Variants in NAALADL2 observed in about 807,000 individuals in gnomAD.
NAALADL2 encodes N-acetylated alpha-linked acidic dipeptidase like 2.
NAALADL2 carries 76 observed loss-of-function variants against 87.2 expected under a neutral mutation model. The observed-to-expected ratio is 0.87, with a 90% confidence interval of 0.72 to 1.05. The LOEUF (loss-of-function observed/expected upper bound fraction) is 1.05. Among genes scored for constraint, NAALADL2 ranks in the 50% least tolerant of loss-of-function variants. NAALADL2 has a pLI of 0.00. For synonymous variants in NAALADL2, 354 were observed against 331.0 expected (o/e 1.07, Z -0.75); for missense variants, 1,089 against 945.8 (o/e 1.15, Z -1.99).
rs530676462 is a variant in NAALADL2 at position 175,734,578 on chromosome 3, T to C, written c.1897-2728T>C. Among the ~76,000 whole-genome samples, 66 of 151,940 alleles carry C rather than the reference T, an allele frequency of 4.3e-4. 1 individual carries two copies. Among genetic ancestry groups the C allele is most frequent in the Admixed American group, 4.1e-3 (63 of 15,274 alleles). ...TTTCAAAAAAAGAAAAAAAAAGAAA[T>C]CTAGGCAGAGGTTCCAAACCACAAT... is the stretch of plus-strand genomic sequence containing the variant. On this transcript the variant is annotated intron_variant, in intron 11 of 13. Transcript: ENST00000454872.
Position 175,410,236 on chromosome 3 carries a change from A to C in NAALADL2, c.1091-36993A>C, listed in dbSNP as rs560233263. ...TGGGGTCCAACAGGAAGAACGTGTAATTGATTACTTTTTATCATAAGCTCA... is the reference window on the plus strand; with the variant it reads ...TGGGGTCCAACAGGAAGAACGTGTACTTGATTACTTTTTATCATAAGCTCA... On this transcript the variant is annotated intron_variant, in intron 5 of 13. Coordinates refer to ENST00000454872, the MANE Select transcript of NAALADL2 (RefSeq NM_207015.3). Among the ~76,000 whole-genome samples the C allele has an allele frequency of 1.5e-3, 223 of 152,302 alleles. 3 individuals are homozygous for C. The highest frequency in any genetic ancestry group is 4.9e-3 in the African/African-American group (205 of 41,574).
intron 2 of NAALADL2, among the ~76,000 whole-genome samples, chr3:174,657,041 C>CTTTTTTT (rs60569510): frequency 4.2e-4 from 49 of 115,800 alleles, no homozygotes; most frequent in African/African-American, 8.5e-4. Flanking sequence ...TTTCCTTCTT[C>CTTTTTTT]TTTTTTTTTT....
chr3:175,591,760 C>G (rs139247856), intron 10 of NAALADL2, among the ~76,000 whole-genome samples: 90 of 135,024 alleles, frequency 6.7e-4, no homozygotes, highest in Non-Finnish European at 1.2e-3. Flanking sequence ...TTTATATATG[C>G]GCATGTGGTG....
At chr3:174,762,979 G>T (rs1162413042) in intron 3 of NAALADL2, among the ~76,000 whole-genome samples, 3 of 152,214 alleles carry the variant, frequency 2.0e-5, no homozygotes, top group South Asian at 4.1e-4. Flanking sequence ...GCTTCTTGAT[G>T]TAAGTGGGAA....
intron 11 of NAALADL2, among the ~76,000 whole-genome samples, chr3:175,657,622 C>T (rs921959340): frequency 6.6e-6 from 1 of 151,390 alleles, no homozygotes; most frequent in African/African-American, 2.4e-5. Context: ...GCTCTGTCCC[C>T]CAGGCTGGAG....
intron 2 of NAALADL2, among the ~76,000 whole-genome samples, chr3:174,563,318 GA>G (rs949864603): frequency 6.6e-6 from 1 of 151,048 alleles, no homozygotes; most frequent in Admixed American, 6.6e-5. Context: ...TATTTTAAAA[GA>G]AAAATTTCAG....
chr3:175,623,434 G>A (rs1726521401), intron 10 of NAALADL2, among the ~76,000 whole-genome samples: 1 of 152,100 alleles, frequency 6.6e-6, no homozygotes, highest in Admixed American at 6.6e-5. Flanking sequence ...CTTTAGTTCA[G>A]AAATCTTATT....
At chr3:174,529,472 G>A (rs1365092008) in intron 1 of NAALADL2, among the ~76,000 whole-genome samples, 1 of 152,194 alleles carries the variant, frequency 6.6e-6, no homozygotes, top group Non-Finnish European at 1.5e-5. Flanking sequence ...GAGGATGGTG[G>A]CCCTCTTCTC....
chr3:174,962,001 G>T (rs1299854489), intron 1 of NAALADL2, among the ~76,000 whole-genome samples: 1 of 151,832 alleles, frequency 6.6e-6, no homozygotes, highest in Admixed American at 6.6e-5. Flanking sequence ...CTGATATTAG[G>T]TTACAAAAGA....
chr3:174,590,499 TA>T (rs1717246144), intron 2 of NAALADL2, among the ~76,000 whole-genome samples: 1 of 152,184 alleles, frequency 6.6e-6, no homozygotes, highest in African/African-American at 2.4e-5. Context: ...AATTAAATTT[TA>T]TTTTTTACTG....
chr3:174,826,050 A>AACG (rs1171739374), intron 3 of NAALADL2, among the ~76,000 whole-genome samples: 4 of 147,632 alleles, frequency 2.7e-5, no homozygotes, highest in Admixed American at 1.3e-4. Context: ...CAACAACAAC[A>AACG]ACGACAACAA....
intron 1 of NAALADL2, among the ~76,000 whole-genome samples, chr3:174,962,950 A>T (rs1222751526): frequency 6.6e-6 from 1 of 152,148 alleles, no homozygotes; most frequent in Admixed American, 6.6e-5. Context: ...TAGAATACAT[A>T]TATTACCTAA....
chr3:175,186,921 T>A (rs939597050), intron 2 of NAALADL2, among the ~76,000 whole-genome samples: 3 of 152,054 alleles, frequency 2.0e-5, no homozygotes, highest in Non-Finnish European at 4.4e-5. Flanking sequence ...TAATAATAAT[T>A]TTCCTCATCT....
intron 3 of NAALADL2, among the ~76,000 whole-genome samples, chr3:174,836,358 G>A (rs1389824470): frequency 6.6e-6 from 1 of 152,088 alleles, no homozygotes; most frequent in Non-Finnish European, 1.5e-5. Context: ...CTGTTTAATG[G>A]GTATAGCGTT....
chr3:175,051,347 G>A (rs567517433), intron 1 of NAALADL2, among the ~76,000 whole-genome samples: 12 of 152,228 alleles, frequency 7.9e-5, no homozygotes, highest in African/African-American at 2.6e-4. Flanking sequence ...ATAGCTTTGA[G>A]GGGTCTCCTG....
At position 175,033,047 on chromosome 3, in the gene NAALADL2, A is replaced by G. The variant is rs376482484; in HGVS notation, c.44-63743A>G. On this transcript the variant is annotated intron_variant, in intron 1 of 13. Transcript: ENST00000454872. ...GTTTATTTAAAAGGAAAATTGTTCA[A>G]TATAATCATGCTATATGACACATCT... 5.5e-4 allele frequency among the ~76,000 whole-genome samples: 84 copies of G among 152,046 alleles called. 2 individuals carry two copies. In the South Asian group the frequency reaches 0.017, roughly 30 times the overall value.
At chr3:175,472,039 A>G (rs909406136) in intron 9 of NAALADL2, among the ~76,000 whole-genome samples, 3 of 151,918 alleles carry the variant, frequency 2.0e-5, no homozygotes, top group Non-Finnish European at 2.9e-5. Flanking sequence ...AAAATATATG[A>G]ATTTAGCTCT....
At chr3:174,763,439 T>G (rs765593385) in intron 3 of NAALADL2, among the ~76,000 whole-genome samples, 44 of 151,382 alleles carry the variant, frequency 2.9e-4, no homozygotes, top group African/African-American at 9.7e-4. Context: ...ATACAAAAAT[T>G]AGCTGGGCGT....
Position 175,333,204 on chromosome 3 carries a change from AG to A in NAALADL2, c.1090+8881del, listed in dbSNP as rs574865163. 2.3e-3 allele frequency among the ~76,000 whole-genome samples: 347 copies of A among 152,246 alleles called. 2 individuals carry two copies. The highest frequency in any genetic ancestry group is 8.0e-3 in the African/African-American group (334 of 41,558). ...CCTCTGGCCTGCAGATGTTGTGTAC[AG>A]GTAGATGTCAGCTGTGGTGGTGGTG... On this transcript the variant is annotated intron_variant, in intron 5 of 13. Coordinates refer to ENST00000454872, the MANE Select transcript of NAALADL2 (RefSeq NM_207015.3).
Sources: allele counts gnomAD v4.1 joint callset (sites outside exome capture counted in the v4.1 genomes callset), GRCh38; gene constraint gnomAD v4.1.1; transcripts MANE v1.5; gene names NCBI Gene and HGNC (gene_info 2026-07-23, HGNC 2026-07-21).